ZBTB7A: variants seen among roughly 807,000 people sequenced by gnomAD.
ZBTB7A encodes the protein zinc finger and BTB domain containing 7A.
In ZBTB7A, 7 loss-of-function variants were observed where a neutral mutation model predicts 26.7. That is an observed-to-expected ratio of 0.26 (90% confidence interval 0.15 to 0.49). The LOEUF (loss-of-function observed/expected upper bound fraction) is 0.49, where lower values mean the gene tolerates loss of function less well. Among genes scored for constraint, ZBTB7A ranks in the 20% least tolerant of loss-of-function variants. The pLI, the probability that ZBTB7A is intolerant of heterozygous loss-of-function variation, is 0.98. For missense variants in ZBTB7A, 617 were observed against 919.5 expected, an observed-to-expected ratio of 0.67 and a Z score of 4.25; for synonymous variants, 452 against 441.0, an observed-to-expected ratio of 1.02 and a Z score of -0.31.
At chr19:4,065,062 C>A (rs1268324827) in intron 1 of ZBTB7A, among the ~76,000 whole-genome samples, 2 of 151,752 alleles carry the variant, frequency 1.3e-5, no homozygotes, top group African/African-American at 4.8e-5. Context: ...GGTCTCCCGC[C>A]CGGGAGGTAG....
Position 4,045,798 on chromosome 19 carries a change from C to T in ZBTB7A, c.*1954G>A, listed in dbSNP as rs1361593014. The T allele has an allele frequency of 2.5e-6, 1 of 398,132 alleles. No individual in the cohort carries two copies. The highest frequency in any genetic ancestry group is 2.1e-5 in the African/African-American group (1 of 48,618). 24.7% of individuals were successfully genotyped at this position (398,132 alleles called of 1,614,324 possible). ...CCCGGCCCCTGTCCGTGGCCTGTGG[C>T]TCGGTCAACACCGGGCCTTGTGGGA... On this transcript the variant is annotated 3_prime_UTR_variant, in exon 3 of 3. Coordinates refer to ENST00000322357, the MANE Select transcript of ZBTB7A (RefSeq NM_015898.4). The surrounding 1 kb of genome is among the most constrained non-coding windows in gnomAD (Gnocchi z 4.1).
rs906365658 is a variant in ZBTB7A, at chr19:4,043,853, C to T, written c.*3899G>A. Among the ~76,000 whole-genome samples, 1 of 145,784 alleles carries T rather than the reference C, an allele frequency of 6.9e-6. No individual in the cohort carries two copies. Among genetic ancestry groups the T allele is most frequent in the Non-Finnish European group, 1.5e-5 (1 of 64,816 alleles). On this transcript the variant is annotated 3_prime_UTR_variant, in exon 3 of 3. Coordinates refer to ENST00000322357, the MANE Select transcript of ZBTB7A (RefSeq NM_015898.4). ...GCGCCAGCCACCCACCACCCCCCCC[C>T]CCCCACCTCCAGGAAGGCTGCTTCA... is the stretch of plus-strand genomic sequence containing the variant.
At chr19:4,063,446 T>C (rs967125494) in intron 1 of ZBTB7A, among the ~76,000 whole-genome samples, 1 of 152,138 alleles carries the variant, frequency 6.6e-6, no homozygotes, top group Non-Finnish European at 1.5e-5. Context: ...TGAGACGAGT[T>C]TGTGGCTCGG....
intron 1 of ZBTB7A, chr19:4,065,825 G>C (rs2040690365): frequency 7.0e-6 from 1 of 141,894 alleles, no homozygotes; most frequent in African/African-American, 2.5e-5. Flanking sequence ...GGCGGGGAGG[G>C]GGCCGGCCCG....
Position 4,054,927 on chromosome 19 carries a change from G to T in ZBTB7A, c.306C>A (p.Ala102=), listed in dbSNP as rs1458802782. The part of the protein sequence containing the change: ...AYTATLTVST[A]NVGDILSAAR... ...CGGCGCTGAGGATGTCACCCACGTT[G>T]GCTGTGCTGACGGTGAGCGTGGCCG... The change falls in exon 2 of 3, where the codon GCC becomes GCA. Residue 102 remains alanine, a synonymous_variant. Transcript: ENST00000322357. 1 of 1,611,656 alleles carries T rather than the reference G, an allele frequency of 6.2e-7. No individual in the cohort carries two copies. The highest frequency in any genetic ancestry group is 8.5e-7 in the Non-Finnish European group (1 of 1,179,638).
chr19:4,046,048 G>T lies in ZBTB7A; in HGVS notation c.*1704C>A. On this transcript the variant is annotated 3_prime_UTR_variant, in exon 3 of 3. Transcript: ENST00000322357. ...TTGGGGGATTGGGGGGTGCCGGATGGGGATCGGGGTGCTCCGGCTGGAAGG... is the reference window on the plus strand; with the variant it reads ...TTGGGGGATTGGGGGGTGCCGGATGTGGATCGGGGTGCTCCGGCTGGAAGG... 1 of 399,132 alleles carries T rather than the reference G, an allele frequency of 2.5e-6. No individual in the cohort carries two copies. Among genetic ancestry groups the T allele is most frequent in the Non-Finnish European group, 4.4e-6 (1 of 226,162 alleles). The allele number at this position is 399,132 out of a possible 1,614,324, so 24.7% of individuals were successfully genotyped here.
intron 1 of ZBTB7A, among the ~76,000 whole-genome samples, chr19:4,059,640 C>T (rs981083988): frequency 1.3e-5 from 2 of 152,074 alleles, no homozygotes; most frequent in South Asian, 2.1e-4. Flanking sequence ...AGGGGCCGGT[C>T]CCCCCACCCA....
At position 4,046,432 on chromosome 19, in the gene ZBTB7A, C is replaced by CTTTTT. The variant is rs10535792; in HGVS notation, c.*1315_*1319dup. 1 of 118,110 alleles carries CTTTTT rather than the reference C, an allele frequency of 8.5e-6. No individual in the cohort carries two copies. Among genetic ancestry groups the CTTTTT allele is most frequent in the African/African-American group, 3.3e-5 (1 of 30,684 alleles). 7.3% of individuals were successfully genotyped at this position (118,110 alleles called of 1,614,324 possible). Reference sequence around the variant, plus strand: ...TCTCTCTCGCTCTCTCTCTCGCTCGCTTTTTTTTTTTTTTTTTGTCTTTTC... The same window carrying CTTTTT: ...TCTCTCTCGCTCTCTCTCTCGCTCGCTTTTTTTTTTTTTTTTTTTTTTGTCTTTTC... On this transcript the variant is annotated 3_prime_UTR_variant, in exon 3 of 3. Transcript: ENST00000322357.
At position 4,054,605 on chromosome 19, in the gene ZBTB7A, C is replaced by T; in HGVS notation, c.628G>A (p.Ala210Thr). Residue 210 changes from alanine (A) to threonine (T), a missense_variant, in exon 2 of 3, where the codon GCC (alanine) becomes ACC (threonine). By Grantham distance (58) the Ala-to-Thr change is moderately conservative (BLOSUM62 0). This residue lies in a region of ZBTB7A where 331 missense variants were observed against 391.3 expected (regional missense o/e 0.85). Transcript: ENST00000322357. ...EAVAAAVAAV[A>T]AGDCNGLDFY... ...TCTAAGCCGTTGCAGTCGCCCGCGG[C>T]CACGGCGGCCACAGCGGCGGCCACG... 2.5e-6 allele frequency: 4 copies of T among 1,582,012 alleles called. No individual in the cohort carries two copies. The highest frequency in any genetic ancestry group is 3.4e-6 in the Non-Finnish European group (4 of 1,169,088).
intron 2 of ZBTB7A, among the ~76,000 whole-genome samples, chr19:4,050,778 G>T (rs2040495469): frequency 6.6e-6 from 1 of 151,910 alleles, no homozygotes; most frequent in African/African-American, 2.4e-5. Context: ...TTTTTGAACG[G>T]GGCTGTCAGA....
In ZBTB7A at chr19:4,048,004, G is replaced by A; in HGVS notation, c.1503C>T (p.Pro501=). 1 of 1,402,950 alleles carries A rather than the reference G, an allele frequency of 7.1e-7. No homozygotes were observed. The highest frequency in any genetic ancestry group is 9.4e-7 in the Non-Finnish European group (1 of 1,068,918). 86.9% of individuals were successfully genotyped at this position (1,402,950 alleles called of 1,614,324 possible). ...GGTCGGGCGCCCCGCCCCGGACGCG[G>A]GGCTTGCGGCCGCGGCGCGAGGGGA... ...NGVPSRRGRK[P]RVRGGAPDPS... is the part of the protein sequence containing the mutation. Residue 501 remains proline, a synonymous_variant, in exon 3 of 3, where the codon CCC becomes CCT. Transcript: ENST00000322357. This position sits in a 1 kb window ranked among gnomAD's most constrained non-coding sequence, Gnocchi z 6.7.
rs577292233 is a variant in ZBTB7A at position 4,056,316 on chromosome 19, C to G, written c.-15-1069G>C. ...AGCTGTGCCCAAGAGCAGTCAGATGCCCTGTTCTGTCTCATCAGCGTGAGA... is the reference window on the plus strand; with the variant it reads ...AGCTGTGCCCAAGAGCAGTCAGATGGCCTGTTCTGTCTCATCAGCGTGAGA... On this transcript the variant is annotated intron_variant, in intron 1 of 2. Transcript: ENST00000322357. 2.6e-5 allele frequency among the ~76,000 whole-genome samples: 4 copies of G among 152,346 alleles called. No individual in the cohort carries two copies. The East Asian group carries it at 7.7e-4, about 29-fold the overall frequency.
In ZBTB7A at chr19:4,045,636, G is replaced by C. The variant is rs2144964274; in HGVS notation, c.*2116C>G. 2.8e-6 allele frequency: 1 copy of C among 354,832 alleles called. No individual in the cohort carries two copies. The highest frequency in any genetic ancestry group is 1.5e-4 in the South Asian group (1 of 6,630). The allele number at this position is 354,832 out of a possible 1,614,324, so 22.0% of individuals were successfully genotyped here. On this transcript the variant is annotated 3_prime_UTR_variant, in exon 3 of 3. Coordinates refer to ENST00000322357, the MANE Select transcript of ZBTB7A (RefSeq NM_015898.4). This position sits in a 1 kb window ranked among gnomAD's most constrained non-coding sequence, Gnocchi z 4.1. Reference sequence around the variant, plus strand: ...GGGGTATGGGGGGGTCGGGGGCAGGGAGACACCCCCCCGCCGGTTGGGCAT... The same window carrying C: ...GGGGTATGGGGGGGTCGGGGGCAGGCAGACACCCCCCCGCCGGTTGGGCAT...
chr19:4,052,027 G>A lies in ZBTB7A; in HGVS notation c.1262+1944C>T, dbSNP rs1323650001. ...GGAGGTGCTGGTGTCCTGGGGAGGG[G>A]GGACCAGAGCACGGGGTGGGGGAAA... On this transcript the variant is annotated intron_variant, in intron 2 of 2. Transcript: ENST00000322357. The surrounding 1 kb of genome is among the most constrained non-coding windows in gnomAD (Gnocchi z 4.9). 6.6e-6 allele frequency among the ~76,000 whole-genome samples: 1 copy of A among 152,184 alleles called. No homozygotes were observed. Among genetic ancestry groups the A allele is most frequent in the Non-Finnish European group, 1.5e-5 (1 of 68,028 alleles).
At chr19:4,061,178 G>A (rs554988753) in intron 1 of ZBTB7A, among the ~76,000 whole-genome samples, 5 of 152,214 alleles carry the variant, frequency 3.3e-5, no homozygotes, top group Non-Finnish European at 7.3e-5. Context: ...CACCCCTCAC[G>A]GATGGGAACT....
rs1568234308 is a variant in ZBTB7A at position 4,054,813 on chromosome 19, GGCGTCGGCGCCC to G, written c.408_419del (p.Ala138_Gly141del). ...TTTGATCTACAAGGTCCAGCTGCCC[GGCGTCGGCGCCC>G]GCGTCGGCCGCCAGGATCTGCCGGT... On this transcript the variant is annotated inframe_deletion, in exon 2 of 3. Transcript: ENST00000322357. 2 of 1,596,152 alleles carry G rather than the reference GGCGTCGGCGCCC, an allele frequency of 1.3e-6. No individual in the cohort carries two copies. Among genetic ancestry groups the G allele is most frequent in the Non-Finnish European group, 8.5e-7 (1 of 1,171,230 alleles).
intron 1 of ZBTB7A, among the ~76,000 whole-genome samples, chr19:4,064,180 G>A (rs1283082791): frequency 1.3e-5 from 2 of 152,218 alleles, no homozygotes; most frequent in African/African-American, 2.4e-5. Context: ...CTGCCCGCCC[G>A]GGCCCAGGTG....
chr19:4,049,166 G>GTGTGTA (rs1599249273), intron 2 of ZBTB7A, among the ~76,000 whole-genome samples: 8 of 13,474 alleles, frequency 5.9e-4, no homozygotes, highest in East Asian at 3.5e-3. Context: ...GTGTGTGTGT[G>GTGTGTA]TGTATATATA....
rs2040425172 is a variant in ZBTB7A at position 4,046,768 on chromosome 19, T to TA, written c.*983_*984insT. On this transcript the variant is annotated 3_prime_UTR_variant, in exon 3 of 3. Transcript: ENST00000322357. Reference sequence around the variant, plus strand: ...GCTCCTCTGAGGAAAAGTATATTATTTATATATATATATATATCTATATAT... The same window carrying TA: ...GCTCCTCTGAGGAAAAGTATATTATTATATATATATATATATATCTATATAT... 6.9e-6 allele frequency: 1 copy of TA among 145,434 alleles called. No homozygotes were observed. The highest frequency in any genetic ancestry group is 2.0e-4 in the East Asian group (1 of 5,094). The allele number at this position is 145,434 out of a possible 1,614,324, so 9.0% of individuals were successfully genotyped here.
Sources: allele counts gnomAD v4.1 joint callset (sites outside exome capture counted in the v4.1 genomes callset), GRCh38; gene constraint gnomAD v4.1.1; regional missense constraint gnomAD v4.1.1; non-coding constraint Gnocchi (gnomAD v3.1); transcripts MANE v1.5; gene names NCBI Gene and HGNC (gene_info 2026-07-23, HGNC 2026-07-21).